Variants in SNX29 observed in about 807,000 individuals in gnomAD.
The protein encoded by SNX29 is sorting nexin 29, also known as sorting nexin-29.
Under a neutral mutation model 102.1 loss-of-function variants are expected in SNX29, and 78 were observed. The observed-to-expected ratio is 0.76, with a 90% CI of 0.64 to 0.92. The LOEUF is 0.92. SNX29 is among the 40% of genes least tolerant of loss of function. SNX29 has a pLI of 0.00. For synonymous variants in SNX29, 580 were observed against 414.5 expected, an observed-to-expected ratio of 1.40 and a Z score of -4.85; for missense variants, 1,280 against 1,061.7, an observed-to-expected ratio of 1.21 and a Z score of -2.86.
intron 20 of SNX29, chr16:12,557,783 C>G (rs537436395): frequency 6.6e-6 from 1 of 152,336 alleles, no homozygotes; most frequent in African/African-American, 2.4e-5. Flanking sequence ...TCAGCTCCAT[C>G]ACGATCTTAC....
intron 18 of SNX29, among the ~76,000 whole-genome samples, chr16:12,436,812 C>T (rs1388509056): frequency 6.6e-6 from 1 of 152,244 alleles, no homozygotes; most frequent in East Asian, 1.9e-4. Context: ...TGCCACCATG[C>T]CCGGCTAATT....
At chr16:12,482,854 C>T (rs2088012213) in intron 19 of SNX29, among the ~76,000 whole-genome samples, 3 of 152,078 alleles carry the variant, frequency 2.0e-5, no homozygotes, top group African/African-American at 7.2e-5. Context: ...TTTTAATTGA[C>T]AAAATTAGCA....
intron 15 of SNX29, among the ~76,000 whole-genome samples, chr16:12,294,185 G>T (rs747417569): frequency 1.3e-5 from 2 of 152,246 alleles, no homozygotes; most frequent in South Asian, 4.1e-4. Context: ...TCAGATGTCT[G>T]CGTCTATGGC....
chr16:12,048,882 C>T (rs2050194899), intron 7 of SNX29, among the ~76,000 whole-genome samples: 1 of 152,092 alleles, frequency 6.6e-6, no homozygotes, highest in Admixed American at 6.6e-5. Context: ...ACACCGGGAG[C>T]CAGATGACGT....
chr16:12,259,916 C>T (rs2142474514), intron 14 of SNX29, among the ~76,000 whole-genome samples: 1 of 152,166 alleles, frequency 6.6e-6, no homozygotes, highest in East Asian at 1.9e-4. Flanking sequence ...AGTGCCCTGC[C>T]ACCCCCTAAT....
intron 13 of SNX29, among the ~76,000 whole-genome samples, chr16:12,180,971 G>T (rs1157735180): frequency 6.6e-6 from 1 of 151,948 alleles, no homozygotes; most frequent in Non-Finnish European, 1.5e-5. Flanking sequence ...CTAATGTCTC[G>T]CTCCTGCTAA....
At chr16:12,294,373 T>C (rs1382565055) in intron 15 of SNX29, among the ~76,000 whole-genome samples, 2 of 152,174 alleles carry the variant, frequency 1.3e-5, no homozygotes, top group Admixed American at 1.3e-4. Flanking sequence ...CCCTCAGCCC[T>C]GTCATGTACA....
chr16:12,480,617 T>C (rs1051734237), intron 19 of SNX29, among the ~76,000 whole-genome samples: 4 of 152,186 alleles, frequency 2.6e-5, no homozygotes, highest in African/African-American at 9.7e-5. Flanking sequence ...GCCCACCACA[T>C]GTTAGACATT....
chr16:12,113,980 G>A (rs941589296), intron 11 of SNX29, among the ~76,000 whole-genome samples: 9 of 152,216 alleles, frequency 5.9e-5, no homozygotes, highest in Non-Finnish European at 2.9e-5. Context: ...GACCCAAAGT[G>A]GGTTTGAAAT....
At chr16:12,300,380 C>T (rs867926588) in intron 15 of SNX29, among the ~76,000 whole-genome samples, 2 of 152,130 alleles carry the variant, frequency 1.3e-5, no homozygotes, top group Non-Finnish European at 2.9e-5. Flanking sequence ...CTGATAGCAT[C>T]GATCATCAGT....
At chr16:12,217,366 T>A (rs1444084134) in intron 14 of SNX29, among the ~76,000 whole-genome samples, 1 of 152,218 alleles carries the variant, frequency 6.6e-6, no homozygotes, top group Non-Finnish European at 1.5e-5. Flanking sequence ...GCAGCCACTG[T>A]GCTTTTGATG....
At position 12,246,077 on chromosome 16, in the gene SNX29, A is replaced by G. The variant is rs886110891; in HGVS notation, c.1679-31856A>G. Among the ~76,000 whole-genome samples the G allele has an allele frequency of 2.2e-4, 34 of 152,302 alleles. No homozygotes were observed. In the East Asian group the frequency reaches 5.6e-3, roughly 25 times the overall value. On this transcript the variant is annotated intron_variant, in intron 14 of 20. Transcript: ENST00000566228. Reference sequence around the variant, plus strand: ...CATAAACAGCAGCTGCTGTGTTTCTATCTCTGTTATTACTTCCCACATAAA... The same window carrying G: ...CATAAACAGCAGCTGCTGTGTTTCTGTCTCTGTTATTACTTCCCACATAAA...
intron 20 of SNX29, among the ~76,000 whole-genome samples, chr16:12,550,982 C>T (rs558783651): frequency 1.3e-5 from 2 of 152,246 alleles, no homozygotes; most frequent in Non-Finnish European, 2.9e-5. Flanking sequence ...CAACAAAAAG[C>T]TGTTTCTCAA....
chr16:12,117,106 G>A (rs374171694), intron 11 of SNX29, among the ~76,000 whole-genome samples: 582 of 58,196 alleles, frequency 0.01, 7 homozygotes, highest in Middle Eastern at 0.015. Context: ...ACGTGCTTCA[G>A]TGCGGACGAA....
chr16:12,511,310 G>A (rs920715689), intron 19 of SNX29, among the ~76,000 whole-genome samples: 1 of 152,208 alleles, frequency 6.6e-6, no homozygotes, highest in African/African-American at 2.4e-5. Context: ...GTGGCTCTAA[G>A]CTCAGCTGGG....
intron 1 of SNX29, among the ~76,000 whole-genome samples, chr16:11,997,728 C>T (rs2056136972): frequency 2.6e-5 from 4 of 152,154 alleles, no homozygotes; most frequent in African/African-American, 9.7e-5. Flanking sequence ...ATCTTCCTGC[C>T]TCAGCCTTCC....
At chr16:12,384,894 G>A (rs1226470633) in intron 16 of SNX29, among the ~76,000 whole-genome samples, 1 of 152,206 alleles carries the variant, frequency 6.6e-6, no homozygotes. Context: ...GTGGAGGCCG[G>A]GCATGGTGGC....
At position 12,462,821 on chromosome 16, in the gene SNX29, T is replaced by C. The variant is rs1462266559; in HGVS notation, c.2038-14898T>C. ...CTATGCAGAATATCAGTGCCGCAAATGGAGCAGCCTGTTTAGCAATGCACA... is the reference window on the plus strand; with the variant it reads ...CTATGCAGAATATCAGTGCCGCAAACGGAGCAGCCTGTTTAGCAATGCACA... On this transcript the variant is annotated intron_variant, in intron 18 of 20. Coordinates refer to ENST00000566228, the MANE Select transcript of SNX29 (RefSeq NM_032167.5). Among the ~76,000 whole-genome samples the C allele has an allele frequency of 2.0e-5, 3 of 152,284 alleles. No individual in the cohort carries two copies. In the East Asian group the frequency reaches 5.8e-4, roughly 29 times the overall value.
intron 3 of SNX29, among the ~76,000 whole-genome samples, chr16:12,025,705 A>G (rs1422237870): frequency 1.3e-5 from 2 of 152,220 alleles, no homozygotes; most frequent in Non-Finnish European, 2.9e-5. Flanking sequence ...GTGGAAAGGC[A>G]TGAATGCTGT....
Sources: gnomAD v4.1 joint callset for allele counts (sites outside exome capture counted in the v4.1 genomes callset) on GRCh38, gnomAD v4.1.1 for gene constraint, MANE v1.5 for transcripts, NCBI Gene and HGNC (gene_info 2026-07-23, HGNC 2026-07-21) for gene names.